PDE10A: variants seen among roughly 807,000 people sequenced by gnomAD.
PDE10A encodes the protein phosphodiesterase 10A, also known as cAMP and cAMP-inhibited cGMP 3',5'-cyclic phosphodiesterase 10A.
Under a neutral mutation model 97.7 loss-of-function variants are expected in PDE10A, and 39 were observed. That is an observed-to-expected ratio of 0.40 (90% confidence interval 0.31 to 0.52). The LOEUF is 0.52. Ranked by LOEUF, PDE10A falls within the 20% of genes least tolerant of loss-of-function variation. The pLI is 0.56. For synonymous variants in PDE10A, 371 were observed against 376.8 expected, an observed-to-expected ratio of 0.98 and a Z score of 0.18; for missense variants, 731 against 1,047.8, an observed-to-expected ratio of 0.70 and a Z score of 4.17.
At chr6:165,833,319 A>G (rs1779977118) in intron 1 of PDE10A, among the ~76,000 whole-genome samples, 1 of 152,242 alleles carries the variant, frequency 6.6e-6, no homozygotes, top group Non-Finnish European at 1.5e-5. Context: ...ACTGTAATAT[A>G]CAAACGTGAA....
intron 1 of PDE10A, chr6:165,894,303 G>T (rs2128482899): frequency 2.2e-6 from 1 of 456,082 alleles, no homozygotes; most frequent in South Asian, 1.5e-5. Context: ...GATCCAATCT[G>T]CAGATGACAA....
At chr6:165,366,458 A>G (rs369899259) in intron 18 of PDE10A, among the ~76,000 whole-genome samples, 30 of 152,012 alleles carry the variant, frequency 2.0e-4, no homozygotes, top group African/African-American at 5.5e-4. Flanking sequence ...GTAATCATAG[A>G]ATAATAATAA....
chr6:165,619,594 CTAGCG>C (rs1562635324), intron 1 of PDE10A, among the ~76,000 whole-genome samples: 19 of 150,906 alleles, frequency 1.3e-4, no homozygotes, highest in African/African-American at 4.4e-4. Context: ...GTACTGTAGT[CTAGCG>C]TAGTGCACTG....
chr6:165,947,638 C>T (rs1489228990), intron 1 of PDE10A, among the ~76,000 whole-genome samples: 2 of 152,172 alleles, frequency 1.3e-5, no homozygotes, highest in African/African-American at 2.4e-5. Context: ...CAAGTTGTGG[C>T]ATAAACGTAT....
intron 1 of PDE10A, chr6:165,576,532 A>G: frequency 2.7e-6 from 2 of 741,618 alleles, no homozygotes; most frequent in East Asian, 2.4e-5. Context: ...TATCTATACC[A>G]TTAGCTTCTA....
chr6:165,725,039 C>T (rs923170636), intron 1 of PDE10A, among the ~76,000 whole-genome samples: 3 of 152,132 alleles, frequency 2.0e-5, no homozygotes, highest in Non-Finnish European at 4.4e-5. Context: ...ATGTGGACGC[C>T]GAGGGAAATT....
intron 1 of PDE10A, among the ~76,000 whole-genome samples, chr6:165,710,657 A>C (rs1230607297): frequency 6.6e-6 from 1 of 152,178 alleles, no homozygotes; most frequent in Non-Finnish European, 1.5e-5. Context: ...TTTAGCAATA[A>C]AAGTCATCAG....
chr6:165,340,191 G>T (rs183673150), intron 19 of PDE10A, among the ~76,000 whole-genome samples: 1 of 152,252 alleles, frequency 6.6e-6, no homozygotes, highest in African/African-American at 2.4e-5. Flanking sequence ...AAAGATTTTA[G>T]AAATTATCTT....
chr6:165,696,757 A>G (rs914357868), intron 1 of PDE10A, among the ~76,000 whole-genome samples: 2 of 152,258 alleles, frequency 1.3e-5, no homozygotes, highest in Non-Finnish European at 2.9e-5. Context: ...GTCGTTGTAA[A>G]TATGTTCACA....
chr6:165,486,533 G>A (rs1304616554), intron 2 of PDE10A, among the ~76,000 whole-genome samples: 3 of 152,164 alleles, frequency 2.0e-5, no homozygotes, highest in Non-Finnish European at 2.9e-5. Context: ...CGTGAACAAC[G>A]TTCAGCAGAA....
At chr6:165,882,904 GAAGAA>G (rs1395707919) in intron 1 of PDE10A, among the ~76,000 whole-genome samples, 2 of 152,120 alleles carry the variant, frequency 1.3e-5, no homozygotes, top group African/African-American at 4.8e-5. Context: ...CCAAGCTACA[GAAGAA>G]AAGAAAACTC....
intron 1 of PDE10A, among the ~76,000 whole-genome samples, chr6:165,639,738 C>CAAA (rs35358593): frequency 9.8e-5 from 10 of 102,532 alleles, no homozygotes; most frequent in East Asian, 5.7e-4. Flanking sequence ...GACTCTGTCC[C>CAAA]AAAAAAAAAA....
intron 1 of PDE10A, among the ~76,000 whole-genome samples, chr6:165,631,281 C>T (rs184950920): frequency 6.6e-6 from 1 of 152,266 alleles, no homozygotes; most frequent in African/African-American, 2.4e-5. Context: ...TAATTTTAAC[C>T]TGTCTCAGTG....
At chr6:165,958,607 A>C in intron 1 of PDE10A, among the ~76,000 whole-genome samples, 1 of 148,388 alleles carries the variant, frequency 6.7e-6, no homozygotes. Context: ...GAAAGAGAGA[A>C]AGGAAGGAAG....
At chr6:165,961,266 TG>T (rs1784352311) in intron 1 of PDE10A, among the ~76,000 whole-genome samples, 1 of 152,226 alleles carries the variant, frequency 6.6e-6, no homozygotes, top group Non-Finnish European at 1.5e-5. Context: ...CATAGCATGA[TG>T]GCCTTGCTTC....
chr6:165,338,402 G>A (rs1329656704), intron 20 of PDE10A, among the ~76,000 whole-genome samples: 2 of 152,144 alleles, frequency 1.3e-5, no homozygotes, highest in African/African-American at 4.8e-5. Flanking sequence ...GCCATTAGAA[G>A]ATGAGACAGT....
intron 3 of PDE10A, among the ~76,000 whole-genome samples, chr6:165,471,860 C>T (rs528808807): frequency 2.6e-5 from 4 of 152,204 alleles, no homozygotes; most frequent in South Asian, 2.1e-4. Flanking sequence ...TATTTTAAAG[C>T]GCTGCTGAAA....
At chr6:165,716,655 T>C (rs1020020227) in intron 1 of PDE10A, among the ~76,000 whole-genome samples, 6 of 152,266 alleles carry the variant, frequency 3.9e-5, no homozygotes, top group African/African-American at 1.4e-4. Context: ...AGAACTTTAT[T>C]TTCCCCCCAC....
At chr6:165,578,266 T>C (rs1785424816) in intron 1 of PDE10A, among the ~76,000 whole-genome samples, 2 of 152,096 alleles carry the variant, frequency 1.3e-5, no homozygotes, top group South Asian at 2.1e-4. Flanking sequence ...TTGAATTTTT[T>C]TTTTTTCCCC....
Sources: gnomAD v4.1 joint callset for allele counts (sites outside exome capture counted in the v4.1 genomes callset) on GRCh38, gnomAD v4.1.1 for gene constraint, MANE v1.5 for transcripts, NCBI Gene and HGNC (gene_info 2026-07-23, HGNC 2026-07-21) for gene names.